The following PRKCA variants were observed in gnomAD, a reference collection of about 807,000 sequenced individuals.
The protein encoded by PRKCA is protein kinase C alpha, also known as protein kinase C alpha type.
A neutral mutation model predicts 87.0 loss-of-function variants in PRKCA; 27 were observed. That is an observed-to-expected ratio of 0.31 (90% CI 0.23 to 0.43). The LOEUF (loss-of-function observed/expected upper bound fraction) is 0.43, where lower values mean the gene tolerates loss of function less well. PRKCA is among the 20% of genes least tolerant of loss of function. The probability of loss-of-function intolerance (pLI) is 1.00; values close to 1 mark genes in which losing one functional copy is unlikely to be tolerated. For missense variants in PRKCA, 518 were observed against 852.3 expected (o/e 0.61, Z 4.88); for synonymous variants, 329 against 311.1 (o/e 1.06, Z -0.61).
chr17:66,304,670 G>C (rs912523217), intron 1 of PRKCA, among the ~76,000 whole-genome samples: 6 of 152,176 alleles, frequency 3.9e-5, no homozygotes, highest in Admixed American at 6.5e-5. Context: ...ATCGTGGTGC[G>C]AATAAGGTGT....
intron 5 of PRKCA, among the ~76,000 whole-genome samples, chr17:66,664,647 G>GTTTTTTTTTTT (rs398031366): frequency 3.0e-5 from 2 of 67,788 alleles, no homozygotes; most frequent in Non-Finnish European, 5.4e-5. Context: ...TTTTGCTTTG[G>GTTTTTTTTTTT]TTTTTTTTTT....
intron 13 of PRKCA, among the ~76,000 whole-genome samples, chr17:66,753,901 G>A (rs773920250): frequency 6.6e-6 from 1 of 152,164 alleles, no homozygotes; most frequent in Non-Finnish European, 1.5e-5. Flanking sequence ...AGACCCAAGA[G>A]AAATTTCTGT....
At chr17:66,303,260 C>T (rs955289200) in intron 1 of PRKCA, among the ~76,000 whole-genome samples, 3 of 152,002 alleles carry the variant, frequency 2.0e-5, no homozygotes, top group Non-Finnish European at 4.4e-5. Flanking sequence ...AGGCTGGCCC[C>T]GTACGGTGGC....
rs186282560 is a variant in PRKCA, at chr17:66,729,702, C to G, written c.919-2986C>G. ...ATCTCTCCCTCATGTTTTAATGTCT[C>G]TGGTCAAATGGGGGCACTCAACTCA... On this transcript the variant is annotated intron_variant, in intron 8 of 16. Coordinates refer to ENST00000413366, the MANE Select transcript of PRKCA (RefSeq NM_002737.3). Among the ~76,000 whole-genome samples the G allele has an allele frequency of 4.6e-5, 7 of 151,920 alleles. No individual in the cohort carries two copies. The East Asian group carries it at 1.2e-3, about 25-fold the overall frequency.
chr17:66,512,980 G>A (rs115509830), intron 3 of PRKCA, among the ~76,000 whole-genome samples: 106 of 152,268 alleles, frequency 7.0e-4, no homozygotes, highest in African/African-American at 2.1e-3. Context: ...GGCGTGAGCC[G>A]CCGCACCTGG....
In PRKCA at chr17:66,786,878, T is replaced by C; in HGVS notation, c.1617T>C (p.Asp539=). The C allele has an allele frequency of 6.2e-7, 1 of 1,613,756 alleles. No individual in the cohort carries two copies. Among genetic ancestry groups the C allele is most frequent in the Non-Finnish European group, 8.5e-7 (1 of 1,179,656 alleles). ...TTTTTCCGGAACAGCCTCCATTTGA[T>C]GGTGAAGATGAAGACGAGCTATTTC... is the stretch of plus-strand genomic sequence containing the variant. The part of the protein sequence containing the change: ...YEMLAGQPPF[D]GEDEDELFQS... Residue 539 remains aspartate (D), a synonymous_variant, in exon 15 of 17, where the codon GAT becomes GAC. Transcript: ENST00000413366.
chr17:66,337,555 A>AT (rs796605646), intron 2 of PRKCA, among the ~76,000 whole-genome samples: 3,441 of 143,280 alleles, frequency 0.024, 108 homozygotes, highest in African/African-American at 0.074. Flanking sequence ...ATGGCCAGCT[A>AT]TTTTTTTTTT....
At chr17:66,712,525 G>A (rs1215986930) in intron 8 of PRKCA, among the ~76,000 whole-genome samples, 1 of 152,212 alleles carries the variant, frequency 6.6e-6, no homozygotes, top group Non-Finnish European at 1.5e-5. Flanking sequence ...AAAATAAGAA[G>A]AAAGAGTTAG....
chr17:66,719,674 C>T (rs776276215), intron 8 of PRKCA, among the ~76,000 whole-genome samples: 112 of 152,226 alleles, frequency 7.4e-4, no homozygotes, highest in Non-Finnish European at 1.3e-3. Flanking sequence ...GGCTGAGGTG[C>T]GAGAATCGCT....
chr17:66,628,366 C>A (rs1201787375), intron 3 of PRKCA, among the ~76,000 whole-genome samples: 1 of 151,946 alleles, frequency 6.6e-6, no homozygotes, highest in East Asian at 1.9e-4. Context: ...TGATTAAATC[C>A]ATCATAGTGT....
At chr17:66,671,088 G>A (rs547940700) in intron 5 of PRKCA, among the ~76,000 whole-genome samples, 26 of 150,940 alleles carry the variant, frequency 1.7e-4, no homozygotes, top group South Asian at 8.4e-4. Flanking sequence ...GTGTGCGCCT[G>A]TAATCCCAGC....
intron 5 of PRKCA, among the ~76,000 whole-genome samples, chr17:66,660,490 C>T (rs184013363): frequency 1.0e-3 from 153 of 152,188 alleles, no homozygotes; most frequent in African/African-American, 3.4e-3. Flanking sequence ...TGCTCCTGCC[C>T]GGGGACCCTC....
intron 12 of PRKCA, among the ~76,000 whole-genome samples, chr17:66,742,283 C>A (rs1434480305): frequency 6.6e-6 from 1 of 152,168 alleles, no homozygotes; most frequent in Non-Finnish European, 1.5e-5. Context: ...ATGTGTCAGA[C>A]CCCCTGTGTG....
intron 3 of PRKCA, among the ~76,000 whole-genome samples, chr17:66,571,133 G>A (rs1243590714): frequency 6.6e-6 from 1 of 152,208 alleles, no homozygotes; most frequent in Non-Finnish European, 1.5e-5. Context: ...ATATGAAGAT[G>A]TGAAAACAAA....
Position 66,327,166 on chromosome 17 carries a change from A to G in PRKCA, c.205+21039A>G, listed in dbSNP as rs566185167. Among the ~76,000 whole-genome samples the G allele has an allele frequency of 3.9e-5, 6 of 152,064 alleles. No individual in the cohort carries two copies. The South Asian group carries it at 1.0e-3, about 26-fold the overall frequency. ...CGGGCAGATCATGAGGTCAGGAGAGACCATCCTGGCTAACATGGTGAAACC... is the reference window on the plus strand; with the variant it reads ...CGGGCAGATCATGAGGTCAGGAGAGGCCATCCTGGCTAACATGGTGAAACC... On this transcript the variant is annotated intron_variant, in intron 2 of 16. Coordinates refer to ENST00000413366, the MANE Select transcript of PRKCA (RefSeq NM_002737.3).
intron 3 of PRKCA, among the ~76,000 whole-genome samples, chr17:66,541,490 TG>T (rs1464724926): frequency 6.6e-6 from 1 of 152,248 alleles, no homozygotes; most frequent in Non-Finnish European, 1.5e-5. Flanking sequence ...CTGCTGGTCT[TG>T]GATGTGGAAG....
chr17:66,624,748 G>C (rs1039217345), intron 3 of PRKCA, among the ~76,000 whole-genome samples: 1 of 151,616 alleles, frequency 6.6e-6, no homozygotes, highest in African/African-American at 2.4e-5. Flanking sequence ...GTTGCAGTGA[G>C]CCAAGATTGT....
intron 10 of PRKCA, among the ~76,000 whole-genome samples, chr17:66,738,061 A>G (rs1334941212): frequency 6.6e-6 from 1 of 152,188 alleles, no homozygotes; most frequent in African/African-American, 2.4e-5. Flanking sequence ...CCATCTTCCT[A>G]TCTGTCCCAG....
chr17:66,370,578 G>T (rs73324161), intron 2 of PRKCA, among the ~76,000 whole-genome samples: 1,696 of 140,270 alleles, frequency 0.012, 35 homozygotes, highest in African/African-American at 0.042. Context: ...TTGAGACAGG[G>T]TCTCACTCTG....
Sources: allele counts gnomAD v4.1 joint callset (sites outside exome capture counted in the v4.1 genomes callset), GRCh38; gene constraint gnomAD v4.1.1; transcripts MANE v1.5; gene names NCBI Gene and HGNC (gene_info 2026-07-23, HGNC 2026-07-21).